Variants in CREB3L3 observed in about 807,000 individuals in gnomAD.
CREB3L3 encodes cAMP responsive element binding protein 3 like 3.
Under a neutral mutation model 44.6 loss-of-function variants are expected in CREB3L3, and 40 were observed. That is an observed-to-expected ratio of 0.90 (90% CI 0.70 to 1.17). The LOEUF (loss-of-function observed/expected upper bound fraction) is 1.17, where lower values mean the gene tolerates loss of function less well. CREB3L3 is among the 50% of genes most tolerant of loss of function. CREB3L3 has a pLI of 0.00. For missense variants in CREB3L3, 578 were observed against 595.8 expected (o/e 0.97, Z 0.31); for synonymous variants, 273 against 256.3 (o/e 1.06, Z -0.62).
Position 4,168,459 on chromosome 19 carries a change from T to A in CREB3L3, c.821+2T>A. On this transcript the variant is annotated splice_donor_variant, in intron 6 of 9. Transcript: ENST00000078445. LOFTEE classifies it high-confidence loss of function. ...ATATATCGATGGCCTGGAGACTCGG[T>A]GGGTAGTGCTGGACCCAGACTCTAC... 6.3e-7 allele frequency: 1 copy of A among 1,597,734 alleles called. No individual in the cohort carries two copies. Among genetic ancestry groups the A allele is most frequent in the Non-Finnish European group, 8.6e-7 (1 of 1,169,212 alleles).
chr19:4,156,171 TC>T (rs2041573049), intron 2 of CREB3L3, among the ~76,000 whole-genome samples: 1 of 82,818 alleles, frequency 1.2e-5, no homozygotes, highest in South Asian at 5.0e-4. Context: ...CTTCCTCCCT[TC>T]CTCCCTTCCT....
In CREB3L3 at chr19:4,154,918, C is replaced by G. The variant is rs530523993; in HGVS notation, c.47C>G (p.Ser16Cys). ...AAGKMASAAC[S>C]MDPIDSFELL... ...CCCCAGATGGCTTCTGCTGCCTGCTCCATGGACCCCATCGACAGCTTTGAG... is the reference window on the plus strand; with the variant it reads ...CCCCAGATGGCTTCTGCTGCCTGCTGCATGGACCCCATCGACAGCTTTGAG... The change falls in exon 2 of 10, where the codon TCC becomes TGC. Residue 16 changes from serine (S) to cysteine (C), a missense_variant. Physicochemically the swap from Ser to Cys is moderately radical, Grantham distance 112. Coordinates refer to ENST00000078445, the MANE Select transcript of CREB3L3 (RefSeq NM_032607.3). 1.2e-6 allele frequency: 2 copies of G among 1,613,840 alleles called. No homozygotes were observed. Among genetic ancestry groups the G allele is most frequent in the African/African-American group, 2.7e-5 (2 of 74,932 alleles).
chr19:4,162,997 T>C (rs529167479), intron 4 of CREB3L3, among the ~76,000 whole-genome samples: 19 of 151,220 alleles, frequency 1.3e-4, no homozygotes, highest in Non-Finnish European at 2.5e-4. Flanking sequence ...ATAGTAATAA[T>C]ACAATGAAAA....
intron 3 of CREB3L3, among the ~76,000 whole-genome samples, 199 bp from the exon 4 acceptor site, chr19:4,159,465 T>C (rs1201741622): frequency 8.5e-6 from 1 of 117,926 alleles, no homozygotes; most frequent in East Asian, 2.0e-4. Flanking sequence ...TCCCATCTTA[T>C]AGCAGAGGGG....
chr19:4,171,672 G>T lies in CREB3L3; in HGVS notation c.1089G>T (p.Leu363Phe). Residue 363 changes from leucine (L) to phenylalanine (F), a missense_variant, in exon 10 of 10, where the codon TTG (leucine) becomes TTT (phenylalanine). By Grantham distance (22) the Leu-to-Phe change is conservative. Transcript: ENST00000078445. The surrounding 1 kb of genome is among the most constrained non-coding windows in gnomAD (Gnocchi z 4.9). The stretch of plus-strand genomic sequence containing the variant: ...CCCAATCAGTGTTCTCCAGAACTTT[G>T]CACAACGATGCTGCCTCCCGCGTGG... ...FAPVRVFSRTLHNDAASRVAA... is the reference protein window; with the variant it reads ...FAPVRVFSRTFHNDAASRVAA... The T allele has an allele frequency of 3.7e-6, 6 of 1,613,318 alleles. No homozygotes were observed. The highest frequency in any genetic ancestry group is 5.1e-6 in the Non-Finnish European group (6 of 1,180,012).
rs1364983037 is a variant in CREB3L3 at position 4,164,523 on chromosome 19, C to T, written c.597C>T (p.Ala199=). The T allele has an allele frequency of 3.1e-6, 5 of 1,614,082 alleles. No individual in the cohort carries two copies. In the East Asian group the frequency reaches 8.9e-5, roughly 29 times the overall value. The part of the protein sequence containing the change: ...SGDLQQHHLG[A]SYLLRPGAGH... ...CGTAGCAACAGCATCACCTGGGGGC[C>T]TCCTACCTCCTGCGACCTGGGGCTG... Residue 199 remains alanine (A), a synonymous_variant, in exon 5 of 10, where the codon GCC becomes GCT. Coordinates refer to ENST00000078445, the MANE Select transcript of CREB3L3 (RefSeq NM_032607.3).
At chr19:4,164,443 AT>A in intron 4 of CREB3L3, 59 bp from the exon 5 acceptor site, 4 of 1,608,406 alleles carry the variant, frequency 2.5e-6, no homozygotes, top group Non-Finnish European at 3.4e-6. Flanking sequence ...TACCTCTTTC[AT>A]TTCCTGAAGG....
At position 4,171,377 on chromosome 19, in the gene CREB3L3, C is replaced by A; in HGVS notation, c.976-6C>A. On this transcript the variant is annotated splice_region_variant and splice_polypyrimidine_tract_variant and intron_variant, in intron 8 of 9. Coordinates refer to ENST00000078445, the MANE Select transcript of CREB3L3 (RefSeq NM_032607.3). This position sits in a 1 kb window ranked among gnomAD's most constrained non-coding sequence, Gnocchi z 4.9. ...GAGGGGGTGACTCTGCCGCTGTCTC[C>A]ACCAGGTCCTGTTGCTGTCCTTTGC... is the stretch of plus-strand genomic sequence containing the variant. 1 of 1,613,928 alleles carries A rather than the reference C, an allele frequency of 6.2e-7. No homozygotes were observed. Among genetic ancestry groups the A allele is most frequent in the Non-Finnish European group, 8.5e-7 (1 of 1,179,828 alleles).
Position 4,171,343 on chromosome 19 carries a change from G to A in CREB3L3, c.976-40G>A, listed in dbSNP as rs765525747. 6.4e-7 allele frequency: 1 copy of A among 1,565,192 alleles called. No individual in the cohort carries two copies. Among genetic ancestry groups the A allele is most frequent in the East Asian group, 2.2e-5 (1 of 44,564 alleles). On this transcript the variant is annotated intron_variant, in intron 8 of 9. Transcript: ENST00000078445. This position sits in a 1 kb window ranked among gnomAD's most constrained non-coding sequence, Gnocchi z 4.9. Reference sequence around the variant, plus strand: ...CTGTGGGATGGAGATGCTTGCAGGGGAGGGGAGGGAGGGGGTGACTCTGCC... The same window carrying A: ...CTGTGGGATGGAGATGCTTGCAGGGAAGGGGAGGGAGGGGGTGACTCTGCC...
chr19:4,160,296 C>T (rs2041641507), intron 4 of CREB3L3, among the ~76,000 whole-genome samples: 2 of 151,818 alleles, frequency 1.3e-5, no homozygotes, highest in Non-Finnish European at 2.9e-5. Context: ...ACTGTCTCAA[C>T]AATAACAACA....
At position 4,157,176 on chromosome 19, in the gene CREB3L3, G is replaced by C. The variant is rs2041594359; in HGVS notation, c.338G>C (p.Cys113Ser). The C allele has an allele frequency of 5.0e-6, 8 of 1,613,838 alleles. No individual in the cohort carries two copies. The highest frequency in any genetic ancestry group is 6.8e-6 in the Non-Finnish European group (8 of 1,179,996). ...GGACCAGCCACCTCCCCCGCCGGCT[G>C]CCATCCTGCCCAGCCTGGCAAGGGG... The part of the protein sequence containing the change: ...RSGPATSPAG[C>S]HPAQPGKGPC... The change falls in exon 3 of 10, where the codon TGC becomes TCC. Residue 113 changes from cysteine (C) to serine (S), a missense_variant. Physicochemically the swap from Cys to Ser is moderately radical, Grantham distance 112. Transcript: ENST00000078445.
rs1357179080 is a variant in CREB3L3, at chr19:4,159,704, G to A, written c.498G>A (p.Pro166=). The change falls in exon 4 of 10, where the codon CCG becomes CCA. Residue 166 remains proline, a synonymous_variant. Coordinates refer to ENST00000078445, the MANE Select transcript of CREB3L3 (RefSeq NM_032607.3). Reference sequence around the variant, plus strand: ...GAGGAAGGATCTGTGCTGAGAAGCCGGCTGATCCGGTGGACCTGTCCCCAC... The same window carrying A: ...GAGGAAGGATCTGTGCTGAGAAGCCAGCTGATCCGGTGGACCTGTCCCCAC... The part of the protein sequence containing the change: ...SPGGRICAEK[P]ADPVDLSPRC... The A allele has an allele frequency of 8.8e-6, 14 of 1,599,176 alleles. No individual in the cohort carries two copies. Among genetic ancestry groups the A allele is most frequent in the Admixed American group, 3.3e-5 (2 of 59,966 alleles).
At chr19:4,154,445 C>T (rs998312118) in intron 1 of CREB3L3, among the ~76,000 whole-genome samples, 1 of 152,120 alleles carries the variant, frequency 6.6e-6, no homozygotes, top group Non-Finnish European at 1.5e-5. Context: ...CCATAGCTCA[C>T]TGCAGCCTCA....
chr19:4,160,911 CTT>C (rs36008635), intron 4 of CREB3L3, among the ~76,000 whole-genome samples: 907 of 50,924 alleles, frequency 0.018, 176 homozygotes, highest in South Asian at 0.06. Flanking sequence ...TTTTTCTTTT[CTT>C]TTTTTTTTTT....
At chr19:4,167,362 G>A (rs952757826) in intron 5 of CREB3L3, among the ~76,000 whole-genome samples, 25 of 142,846 alleles carry the variant, frequency 1.8e-4, no homozygotes, top group Non-Finnish European at 2.6e-4. Context: ...AAGAGAGAGA[G>A]AGAGAGAGAG....
chr19:4,157,204 C>G lies in CREB3L3; in HGVS notation c.366C>G (p.Pro122=). 1.2e-6 allele frequency: 2 copies of G among 1,614,080 alleles called. No homozygotes were observed. Among genetic ancestry groups the G allele is most frequent in the Non-Finnish European group, 1.7e-6 (2 of 1,180,002 alleles). ...GCHPAQPGKG[P]CLSYHPGNSC... ...ATCCTGCCCAGCCTGGCAAGGGGCC[C>G]TGCCTCTCCTATCATCCTGGCAACT... The change falls in exon 3 of 10, where the codon CCC becomes CCG. Residue 122 remains proline (P), a synonymous_variant. Coordinates refer to ENST00000078445, the MANE Select transcript of CREB3L3 (RefSeq NM_032607.3).
Position 4,167,433 on chromosome 19 carries a change from AAAGG to A in CREB3L3, c.715-915_715-912del, listed in dbSNP as rs1193835438. ...AGGAAAAGAAAGAAAAGAAAGAAAGAAAGGAAAGAAAGAAAGGAAGAAAAGAAGG... is the reference window on the plus strand; with the variant it reads ...AGGAAAAGAAAGAAAAGAAAGAAAGAAAAGAAAGAAAGGAAGAAAAGAAGG... On this transcript the variant is annotated intron_variant, in intron 5 of 9. Transcript: ENST00000078445. Among the ~76,000 whole-genome samples the A allele has an allele frequency of 3.6e-5, 3 of 84,190 alleles. No homozygotes were observed. In the East Asian group the frequency reaches 9.1e-4, roughly 26 times the overall value. The allele number at this position is 84,190 out of a possible 152,430, so 55.2% of individuals were successfully genotyped here. A position where few individuals can be genotyped will look rare whatever the true frequency, so the allele number is the denominator to read the frequency against.
chr19:4,162,509 G>A (rs1229265504), intron 4 of CREB3L3, among the ~76,000 whole-genome samples: 6 of 49,742 alleles, frequency 1.2e-4, no homozygotes, highest in East Asian at 1.0e-3. Flanking sequence ...GCAAGACCTC[G>A]TCTCTACAAA....
intron 1 of CREB3L3, among the ~76,000 whole-genome samples, chr19:4,154,536 A>G (rs898324513): frequency 6.6e-6 from 1 of 151,742 alleles, no homozygotes; most frequent in Admixed American, 6.6e-5. Context: ...CAGCCAGCTA[A>G]TTTTTTTAAA....
Sources: allele counts gnomAD v4.1 joint callset (sites outside exome capture counted in the v4.1 genomes callset), GRCh38; gene constraint gnomAD v4.1.1; non-coding constraint Gnocchi (gnomAD v3.1); transcripts MANE v1.5; gene names NCBI Gene and HGNC (gene_info 2026-07-23, HGNC 2026-07-21).